Variants in SORCS1 observed in about 807,000 individuals in gnomAD.
SORCS1 encodes sortilin related VPS10 domain containing receptor 1, also known as VPS10 domain-containing receptor SorCS1.
A neutral mutation model predicts 146.1 loss-of-function variants in SORCS1; 60 were observed. The observed-to-expected ratio is 0.41, with a 90% confidence interval of 0.33 to 0.51. The LOEUF (loss-of-function observed/expected upper bound fraction) is 0.51, where lower values mean the gene tolerates loss of function less well. Ranked by LOEUF, SORCS1 falls within the 20% of genes least tolerant of loss-of-function variation. The pLI is 0.21. For missense variants in SORCS1, 1,352 were observed against 1,487.6 expected, an observed-to-expected ratio of 0.91 and a Z score of 1.50; for synonymous variants, 637 against 584.0, an observed-to-expected ratio of 1.09 and a Z score of -1.31.
chr10:107,047,522 T>G (rs1464100863), intron 1 of SORCS1, among the ~76,000 whole-genome samples: 1 of 152,226 alleles, frequency 6.6e-6, no homozygotes, highest in Admixed American at 6.5e-5. Flanking sequence ...GAAAATGGGT[T>G]ATTCTGATTA....
chr10:106,997,923 G>C (rs552280635), intron 1 of SORCS1, among the ~76,000 whole-genome samples: 1 of 152,302 alleles, frequency 6.6e-6, no homozygotes, highest in Admixed American at 6.5e-5. Context: ...TGGGTAGGGA[G>C]AGGAAAGAGG....
intron 1 of SORCS1, among the ~76,000 whole-genome samples, chr10:107,109,679 G>C (rs1164353987): frequency 6.6e-6 from 1 of 152,162 alleles, no homozygotes; most frequent in Non-Finnish European, 1.5e-5. Flanking sequence ...TTTTAGTTAT[G>C]CAAATTTCTC....
chr10:106,892,174 T>A (rs1167882784), intron 2 of SORCS1, among the ~76,000 whole-genome samples: 1 of 152,200 alleles, frequency 6.6e-6, no homozygotes, highest in Admixed American at 6.5e-5. Context: ...GACCGAGATT[T>A]CCCTTGAAGC....
At chr10:106,830,563 CT>C (rs1449930917) in intron 2 of SORCS1, among the ~76,000 whole-genome samples, 179 of 134,770 alleles carry the variant, frequency 1.3e-3, no homozygotes, top group African/African-American at 1.3e-3. Context: ...TATACCTCAG[CT>C]TTTTTTTTTT....
intron 2 of SORCS1, among the ~76,000 whole-genome samples, chr10:106,830,535 GC>G (rs1948494134): frequency 6.7e-6 from 1 of 150,332 alleles, no homozygotes; most frequent in Non-Finnish European, 1.5e-5. Context: ...TTTCGCCTAG[GC>G]CCCATGTTGC....
At chr10:106,992,046 CA>C (rs138620686) in intron 1 of SORCS1, among the ~76,000 whole-genome samples, 26,474 of 152,048 alleles carry the variant, frequency 0.17, 7,048 homozygotes, top group African/African-American at 0.58. Context: ...AATATTGCCT[CA>C]AAAACTTAAG....
At chr10:106,802,718 C>T (rs922493824) in intron 3 of SORCS1, among the ~76,000 whole-genome samples, 3 of 152,106 alleles carry the variant, frequency 2.0e-5, no homozygotes, top group African/African-American at 7.2e-5. Context: ...AGGCTGGTTT[C>T]GAACTCCTGA....
chr10:107,058,365 A>C (rs1960853816), intron 1 of SORCS1, among the ~76,000 whole-genome samples: 1 of 152,172 alleles, frequency 6.6e-6, no homozygotes, highest in Admixed American at 6.6e-5. Flanking sequence ...ATTCAACATG[A>C]CAGAGAACTA....
chr10:106,942,759 C>T (rs984190516), intron 2 of SORCS1, among the ~76,000 whole-genome samples: 1 of 152,154 alleles, frequency 6.6e-6, no homozygotes, highest in Non-Finnish European at 1.5e-5. Context: ...AATTCCTCCA[C>T]CTGACCTTGG....
rs182314010 is a variant in SORCS1, at chr10:106,700,489, G to C, written c.1234-1096C>G. Among the ~76,000 whole-genome samples the C allele has an allele frequency of 4.6e-5, 7 of 152,098 alleles. No individual in the cohort carries two copies. In the East Asian group the frequency reaches 1.2e-3, roughly 25 times the overall value. On this transcript the variant is annotated intron_variant, in intron 8 of 25. Transcript: ENST00000263054. ...ATTGCATATAACCACAAAGGTAGAA[G>C]AACAACGTAGAACAATTCTTGTTTT...
intron 1 of SORCS1, among the ~76,000 whole-genome samples, chr10:107,035,262 C>CAAAAAAAAAAA (rs201009614): frequency 3.5e-5 from 1 of 28,364 alleles, no homozygotes; most frequent in Non-Finnish European, 7.5e-5. Flanking sequence ...AGTGAAGCTT[C>CAAAAAAAAAAA]AAAAAAAAAA....
intron 1 of SORCS1, among the ~76,000 whole-genome samples, chr10:106,977,590 T>A (rs1260592744): frequency 2.9e-5 from 1 of 34,498 alleles, no homozygotes; most frequent in Admixed American, 2.2e-4. Context: ...ATTCATTGGA[T>A]TTTTTTTTTT....
intron 3 of SORCS1, among the ~76,000 whole-genome samples, chr10:106,799,572 A>C (rs1367560364): frequency 3.9e-5 from 6 of 152,238 alleles, no homozygotes; most frequent in Admixed American, 6.5e-5. Context: ...TGGGCAAAGG[A>C]TATGAACAGA....
intron 1 of SORCS1, among the ~76,000 whole-genome samples, chr10:107,091,962 T>C (rs1032193910): frequency 6.6e-6 from 1 of 152,186 alleles, no homozygotes; most frequent in Non-Finnish European, 1.5e-5. Flanking sequence ...TACACGACAC[T>C]GCACATCAGT....
chr10:106,670,163 AATGGAAAATGAG>A (rs1332978303), intron 16 of SORCS1, among the ~76,000 whole-genome samples: 1 of 152,242 alleles, frequency 6.6e-6, no homozygotes, highest in Non-Finnish European at 1.5e-5. Context: ...GGAAGAAAAC[AATGGAAAATGAG>A]ATGGAAAATA....
intron 2 of SORCS1, among the ~76,000 whole-genome samples, chr10:106,940,079 A>G (rs1308403050): frequency 6.6e-6 from 1 of 152,228 alleles, no homozygotes; most frequent in Admixed American, 6.5e-5. Context: ...AGCATTAGAT[A>G]AGCTTCCAGC....
intron 1 of SORCS1, among the ~76,000 whole-genome samples, chr10:107,018,191 C>T (rs78373716): frequency 1.3e-5 from 2 of 150,722 alleles, no homozygotes; most frequent in East Asian, 3.9e-4. Context: ...TTTTTTTTTT[C>T]GGAGACGGAG....
intron 24 of SORCS1, among the ~76,000 whole-genome samples, chr10:106,588,532 CG>C (rs1238983327): frequency 6.6e-6 from 1 of 151,888 alleles, no homozygotes; most frequent in Non-Finnish European, 1.5e-5. Context: ...AAGAGGCCAC[CG>C]TCGTAAGCAT....
rs757128028 is a variant in SORCS1, at chr10:106,730,072, A to C, written c.1002T>G (p.Leu334=). The part of the protein sequence containing the change: ...GSNKEPDLVH[L]EARTVDGHSH... ...TACGACCATCCACAGTTCTGGCCTC[A>C]AGATGCACAAGGTCTGGTTCTTTAT... Residue 334 remains leucine, a synonymous_variant, in exon 6 of 26, where the codon CTT becomes CTG. Coordinates refer to ENST00000263054, the MANE Select transcript of SORCS1 (RefSeq NM_052918.5). 1 of 1,614,172 alleles carries C rather than the reference A, an allele frequency of 6.2e-7. No individual in the cohort carries two copies. Among genetic ancestry groups the C allele is most frequent in the Admixed American group, 1.7e-5 (1 of 60,022 alleles).
Sources: allele counts gnomAD v4.1 joint callset (sites outside exome capture counted in the v4.1 genomes callset), GRCh38; gene constraint gnomAD v4.1.1; transcripts MANE v1.5; gene names NCBI Gene and HGNC (gene_info 2026-07-23, HGNC 2026-07-21).